The following DNAH6 variants were observed in gnomAD, a reference collection of about 807,000 sequenced individuals.
DNAH6 encodes axonemal beta dynein heavy chain 6.
A neutral mutation model predicts 491.4 loss-of-function variants in DNAH6; 340 were observed. The ratio of observed to expected loss-of-function variants is 0.69; its 90% confidence interval spans 0.63 to 0.76. The LOEUF is 0.76. DNAH6 is among the 30% of genes least tolerant of loss of function. The pLI is 0.00. For missense variants in DNAH6, 4,443 were observed against 4,972.2 expected (o/e 0.89, Z 3.20); for synonymous variants, 1,603 against 1,686.1 (o/e 0.95, Z 1.21).
chr2:84,506,755 G>T, the DNAH6 span, among the ~76,000 whole-genome samples: 138 of 152,254 alleles, frequency 9.1e-4, no homozygotes, highest in South Asian at 2.1e-4. Context: ...AAGGTGTAAG[G>T]AAGGGATCCA....
chr2:84,565,709 G>C (rs1243963283), intron 11 of DNAH6, among the ~76,000 whole-genome samples: 2 of 151,894 alleles, frequency 1.3e-5, no homozygotes, highest in African/African-American at 4.8e-5. Flanking sequence ...ATTGTTGTGT[G>C]ACTGTCTATG....
At chr2:84,549,612 C>T (rs1238033995) in intron 8 of DNAH6, among the ~76,000 whole-genome samples, 2 of 152,090 alleles carry the variant, frequency 1.3e-5, no homozygotes, top group Non-Finnish European at 2.9e-5. Context: ...GATGCATTTT[C>T]CCTAACAGCT....
chr2:84,593,899 C>A, intron 16 of DNAH6, 73 bp from the exon 17 acceptor site: 1 of 723,224 alleles, frequency 1.4e-6, no homozygotes, highest in Non-Finnish European at 2.2e-6. Context: ...CCAAGAATTA[C>A]TAATAGGAGA....
the DNAH6 span, among the ~76,000 whole-genome samples, chr2:84,488,386 T>TA: frequency 2.3e-5 from 3 of 132,304 alleles, no homozygotes; most frequent in South Asian, 4.8e-4. Flanking sequence ...TAAAAAAAAT[T>TA]AAAAAATAAA....
chr2:84,793,117 T>C (rs1677936101), intron 68 of DNAH6, among the ~76,000 whole-genome samples: 1 of 152,122 alleles, frequency 6.6e-6, no homozygotes, highest in African/African-American at 2.4e-5. Context: ...CTATGTTGGG[T>C]TCTGCAATGG....
At chr2:84,805,869 G>T in intron 71 of DNAH6, 75 bp downstream of exon 71, 2 of 1,380,370 alleles carry the variant, frequency 1.4e-6, no homozygotes, top group African/African-American at 1.5e-5. Context: ...TGATAAACAG[G>T]TGTCAAAACC....
chr2:84,534,713 G>T (rs78669259), intron 4 of DNAH6, among the ~76,000 whole-genome samples: 1,688 of 151,258 alleles, frequency 0.011, 12 homozygotes, highest in African/African-American at 0.018. Context: ...CTCTTGTTTG[G>T]TTTTTGATGT....
intron 7 of DNAH6, 110 bp from the exon 8 acceptor site, chr2:84,548,178 C>G (rs1314425192): frequency 3.2e-6 from 4 of 1,238,440 alleles, no homozygotes; most frequent in Non-Finnish European, 4.4e-6. Flanking sequence ...CTTCGTGTAC[C>G]AAAATATTTT....
At chr2:84,818,848 C>T (rs1025282200) in intron 76 of DNAH6, among the ~76,000 whole-genome samples, 6 of 152,102 alleles carry the variant, frequency 3.9e-5, no homozygotes, top group African/African-American at 1.2e-4. Context: ...CCAAGGCAAG[C>T]GGATCATTTG....
the DNAH6 span, among the ~76,000 whole-genome samples, chr2:84,476,291 C>A: frequency 2.6e-5 from 4 of 152,134 alleles, no homozygotes; most frequent in Non-Finnish European, 4.4e-5. Flanking sequence ...AATTGCCATG[C>A]TTCAAGGTCT....
At chr2:84,589,271 T>A (rs1683866145) in intron 16 of DNAH6, among the ~76,000 whole-genome samples, 1 of 152,254 alleles carries the variant, frequency 6.6e-6, no homozygotes, top group African/African-American at 2.4e-5. Context: ...AAAACCACAC[T>A]ATCCTTTCTT....
At chr2:84,794,944 A>G (rs2105279131) in intron 68 of DNAH6, among the ~76,000 whole-genome samples, 1 of 151,744 alleles carries the variant, frequency 6.6e-6, no homozygotes, top group South Asian at 2.1e-4. Context: ...TCCAACAATG[A>G]TACACTGGAT....
intron 42 of DNAH6, 75 bp downstream of exon 42, chr2:84,681,603 A>G (rs2104730965): frequency 7.5e-7 from 1 of 1,332,878 alleles, no homozygotes; most frequent in East Asian, 2.7e-5. Context: ...TCTCAGTAAC[A>G]TTGTATGTAT....
At chr2:84,558,047 T>C in intron 11 of DNAH6, 112 bp downstream of exon 11, 1 of 661,266 alleles carries the variant, frequency 1.5e-6, no homozygotes, top group Non-Finnish European at 2.4e-6. Flanking sequence ...AAAATTGGCA[T>C]ATGCCTAAAT....
At chr2:84,715,232 C>CT (rs1480308672) in intron 57 of DNAH6, among the ~76,000 whole-genome samples, 1 of 152,074 alleles carries the variant, frequency 6.6e-6, no homozygotes, top group African/African-American at 2.4e-5. Flanking sequence ...GACACAGTCA[C>CT]TAAAGGGTGC....
intron 19 of DNAH6, 148 bp from the exon 20 acceptor site, chr2:84,605,352 C>CAAAA (rs5832617): frequency 1.7e-4 from 56 of 337,282 alleles, no homozygotes; most frequent in African/African-American, 1.3e-3. Flanking sequence ...GACTCTATCT[C>CAAAA]AAAAAAAAAA....
At chr2:84,737,963 T>C (rs1257196105) in intron 62 of DNAH6, among the ~76,000 whole-genome samples, 1 of 152,146 alleles carries the variant, frequency 6.6e-6, no homozygotes, top group African/African-American at 2.4e-5. Context: ...ATGTCATTTC[T>C]AACTTCTCGA....
At chr2:84,577,745 G>C (rs979745701) in intron 13 of DNAH6, among the ~76,000 whole-genome samples, 2 of 152,090 alleles carry the variant, frequency 1.3e-5, no homozygotes, top group Non-Finnish European at 2.9e-5. Flanking sequence ...CTAGACCACC[G>C]AGATCAAGTT....
chr2:84,608,452 C>T (rs1380214026), intron 21 of DNAH6, among the ~76,000 whole-genome samples: 2 of 152,174 alleles, frequency 1.3e-5, no homozygotes, highest in African/African-American at 4.8e-5. Flanking sequence ...CCATGGGCTG[C>T]AGAACGGATG....
Sources: allele counts gnomAD v4.1 joint callset (sites outside exome capture counted in the v4.1 genomes callset), GRCh38; gene constraint gnomAD v4.1.1; transcripts MANE v1.5; gene names NCBI Gene and HGNC (gene_info 2026-07-23, HGNC 2026-07-21).